ACP3: variants seen among roughly 807,000 people sequenced by gnomAD.
ACP3 encodes the protein prostatic acid phosphatase.
ACP3 carries 38 observed loss-of-function variants against 45.6 expected under a neutral mutation model. That is an observed-to-expected ratio of 0.83 (90% CI 0.64 to 1.09). The LOEUF is 1.09. Ranked by LOEUF, ACP3 falls within the 50% of genes least tolerant of loss-of-function variation. The pLI is 0.00. For synonymous variants in ACP3, 162 were observed against 164.7 expected (o/e 0.98, Z 0.13); for missense variants, 466 against 463.2 (o/e 1.01, Z -0.05).
In ACP3 at chr3:132,357,538, A is replaced by G. The variant is rs1937936019; in HGVS notation, c.*660A>G. Reference sequence around the variant, plus strand: ...TGTGTCCCTTGGTCCTGGAACATTTATGTTCCTTTTAAAGAAACAAAAATC... The same window carrying G: ...TGTGTCCCTTGGTCCTGGAACATTTGTGTTCCTTTTAAAGAAACAAAAATC... On this transcript the variant is annotated 3_prime_UTR_variant, in exon 10 of 10. Coordinates refer to ENST00000336375, the MANE Select transcript of ACP3 (RefSeq NM_001099.5). 14 of 984,446 alleles carry G rather than the reference A, an allele frequency of 1.4e-5. No individual in the cohort carries two copies. Among genetic ancestry groups the G allele is most frequent in the Non-Finnish European group, 1.6e-5 (13 of 829,128 alleles). The allele number at this position is 984,446 out of a possible 1,614,324, so 61.0% of individuals were successfully genotyped here.
At chr3:132,367,997 C>T (rs1938159012) in exon 11 of ACP3, 2 of 584,190 alleles carry the variant, frequency 3.4e-6, no homozygotes, top group African/African-American at 3.7e-5. Context: ...GCTGGATGAA[C>T]ACTCAGGCTA....
In ACP3 at chr3:132,317,561, G is replaced by T. The variant is rs769774776; in HGVS notation, c.105G>T (p.Leu35Phe). 6.2e-7 allele frequency: 1 copy of T among 1,611,696 alleles called. No homozygotes were observed. Among genetic ancestry groups the T allele is most frequent in the South Asian group, 1.1e-5 (1 of 90,428 alleles). The change falls in exon 1 of 10, where the codon TTG (leucine) becomes TTT (phenylalanine). Residue 35 changes from leucine to phenylalanine, a missense_variant. Coordinates refer to ENST00000336375, the MANE Select transcript of ACP3 (RefSeq NM_001099.5). Reference protein sequence around the residue: ...WLDRSVLAKELKFVTLVFRHG... With the variant: ...WLDRSVLAKEFKFVTLVFRHG... ...ACCGAAGTGTACTAGCCAAGGAGTT[G>T]AAGTTTGTGACTTTGGTAAGTAGAC...
At chr3:132,343,661 A>G (rs1469043436) in intron 6 of ACP3, among the ~76,000 whole-genome samples, 1 of 152,006 alleles carries the variant, frequency 6.6e-6, no homozygotes, top group Non-Finnish European at 1.5e-5. Context: ...TCTTTCACGA[A>G]CTCACTTTCT....
At chr3:132,324,601 C>T (rs1481299710) in intron 1 of ACP3, among the ~76,000 whole-genome samples, 1 of 152,042 alleles carries the variant, frequency 6.6e-6, no homozygotes, top group Admixed American at 6.6e-5. Flanking sequence ...TTCTACAAAC[C>T]ATGGAGGGTT....
downstream of ACP3, among the ~76,000 whole-genome samples, chr3:132,363,693 C>G (rs891981397): frequency 6.6e-6 from 1 of 151,932 alleles, no homozygotes; most frequent in Non-Finnish European, 1.5e-5. Context: ...AATCACAGCA[C>G]TTTGGGAGGC....
At chr3:132,346,890 A>G (rs1279520403) in intron 7 of ACP3, among the ~76,000 whole-genome samples, 1 of 152,222 alleles carries the variant, frequency 6.6e-6, no homozygotes. Context: ...AACGAGTTGA[A>G]TCAGGATCTG....
chr3:132,329,921 T>C lies in ACP3; in HGVS notation c.216+1559T>C, dbSNP rs376834134. On this transcript the variant is annotated intron_variant, in intron 2 of 9. Coordinates refer to ENST00000336375, the MANE Select transcript of ACP3 (RefSeq NM_001099.5). Reference sequence around the variant, plus strand: ...CTACCCTTGTCTAGGTACTTTTTTTTTTTTTTTTTTTTTTGAGATGGAGTC... The same window carrying C: ...CTACCCTTGTCTAGGTACTTTTTTTCTTTTTTTTTTTTTTGAGATGGAGTC... Among the ~76,000 whole-genome samples, 16 of 146,530 alleles carry C rather than the reference T, an allele frequency of 1.1e-4. 2 individuals carry two copies. The highest frequency in any genetic ancestry group is 3.4e-4 in the Admixed American group (5 of 14,738).
At chr3:132,342,728 T>G in intron 6 of ACP3, 84 bp downstream of exon 6, 1 of 827,186 alleles carries the variant, frequency 1.2e-6, no homozygotes, top group Non-Finnish European at 1.9e-6. Flanking sequence ...TATCTTTTCT[T>G]TCACTTCTTT....
intron 4 of ACP3, among the ~76,000 whole-genome samples, chr3:132,336,084 C>T (rs1056890475): frequency 6.6e-6 from 1 of 152,122 alleles, no homozygotes; most frequent in Admixed American, 6.5e-5. Context: ...CACAGTGAAA[C>T]CCCGTCTCTA....
chr3:132,328,880 C>G (rs538473651), intron 2 of ACP3, among the ~76,000 whole-genome samples: 2 of 152,152 alleles, frequency 1.3e-5, no homozygotes, highest in Non-Finnish European at 2.9e-5. Context: ...TTAGGCTTCA[C>G]ATGAGAAAGT....
downstream of ACP3, among the ~76,000 whole-genome samples, chr3:132,359,478 A>G (rs994021344): frequency 2.0e-5 from 3 of 152,132 alleles, no homozygotes; most frequent in Non-Finnish European, 4.4e-5. Context: ...ACTGCACTCC[A>G]GCCTGGGCAA....
At chr3:132,342,685 T>C in intron 6 of ACP3, 41 bp downstream of exon 6, 1 of 1,178,522 alleles carries the variant, frequency 8.5e-7, no homozygotes, top group Non-Finnish European at 1.2e-6. Flanking sequence ...GCAATCTGAT[T>C]TTATGATTTA....
At chr3:132,325,595 AACAC>A (rs138017217) in intron 1 of ACP3, among the ~76,000 whole-genome samples, 1 of 143,640 alleles carries the variant, frequency 7.0e-6, no homozygotes, top group Admixed American at 6.9e-5. Context: ...TCTGATACAA[AACAC>A]ACACACACAC....
At position 132,332,212 on chromosome 3, in the gene ACP3, C is replaced by T. The variant is rs200127763; in HGVS notation, c.324C>T (p.Asp108=). 8.0e-5 allele frequency: 129 copies of T among 1,614,134 alleles called. No individual in the cohort carries two copies. Among genetic ancestry groups the T allele is most frequent in the Middle Eastern group, 1.7e-4 (1 of 6,060 alleles). ...KHEQVYIRST[D]VDRTLMSAMT... is the part of the protein sequence containing the mutation. ...TCTAGGTTTATATTCGAAGCACAGA[C>T]GTTGACCGGACTTTGATGAGTGCTA... The change falls in exon 4 of 10, where the codon GAC becomes GAT. Residue 108 remains aspartate, a synonymous_variant. Transcript: ENST00000336375.
chr3:132,342,203 T>C (rs1351451962), intron 5 of ACP3, among the ~76,000 whole-genome samples: 1 of 152,220 alleles, frequency 6.6e-6, no homozygotes, highest in Admixed American at 6.5e-5. Flanking sequence ...CTATCTACAT[T>C]TTAAATGTAA....
chr3:132,326,464 A>G (rs1937299870), intron 1 of ACP3, among the ~76,000 whole-genome samples: 1 of 152,208 alleles, frequency 6.6e-6, no homozygotes, highest in Non-Finnish European at 1.5e-5. Context: ...CTCACAAAAA[A>G]ATATGCAGCT....
At chr3:132,321,900 T>C (rs1225489885) in intron 1 of ACP3, among the ~76,000 whole-genome samples, 3 of 152,168 alleles carry the variant, frequency 2.0e-5, no homozygotes, top group African/African-American at 7.2e-5. Flanking sequence ...TTATAACAAA[T>C]ATAATAATAA....
intron 5 of ACP3, among the ~76,000 whole-genome samples, chr3:132,339,553 C>G (rs1343048649): frequency 2.0e-5 from 3 of 152,226 alleles, no homozygotes; most frequent in African/African-American, 7.2e-5. Flanking sequence ...CCACAACTTC[C>G]TCTTTGGGTT....
intron 8 of ACP3, 31 bp from the exon 9 acceptor site, chr3:132,352,688 AC>A (rs772616964): frequency 1.3e-6 from 2 of 1,483,558 alleles, no homozygotes; most frequent in African/African-American, 2.8e-5. Flanking sequence ...GTGAATCTGA[AC>A]AGGCGATAAA....
Sources: gnomAD v4.1 joint callset for allele counts (sites outside exome capture counted in the v4.1 genomes callset) on GRCh38, gnomAD v4.1.1 for gene constraint, MANE v1.5 for transcripts, NCBI Gene and HGNC (gene_info 2026-07-23, HGNC 2026-07-21) for gene names.